The following SDK1 variants were observed in gnomAD, a reference collection of about 807,000 sequenced individuals.
SDK1 encodes the protein protein sidekick-1.
In SDK1, 157 loss-of-function variants were observed where a neutral mutation model predicts 245.5. The ratio of observed to expected loss-of-function variants is 0.64; its 90% CI spans 0.56 to 0.73. The LOEUF is 0.73. Among genes scored for constraint, SDK1 ranks in the 30% least tolerant of loss-of-function variants. The pLI is 0.00. For synonymous variants in SDK1, 1,647 were observed against 1,278.5 expected (o/e 1.29, Z -6.15); for missense variants, 3,583 against 3,002.3 (o/e 1.19, Z -4.52).
rs200630287 is a variant in SDK1 at position 3,748,055 on chromosome 7, TTATAG to T, written c.714-73391_714-73387del. On this transcript the variant is annotated intron_variant, in intron 4 of 44. Transcript: ENST00000404826. ...CTGTATATCACAGTTACTATATGTG[TTATAG>T]TATGTATCATGATCATTATATACTA... Among the ~76,000 whole-genome samples the T allele has an allele frequency of 9.3e-3, 1,423 of 152,296 alleles. 29 individuals carry two copies. The highest frequency in any genetic ancestry group is 0.032 in the African/African-American group (1,320 of 41,562).
rs543668512 is a variant in SDK1 at position 3,810,372 on chromosome 7, A to G, written c.714-11078A>G. Among the ~76,000 whole-genome samples, 9 of 152,276 alleles carry G rather than the reference A, an allele frequency of 5.9e-5. No homozygotes were observed. In the East Asian group the frequency reaches 1.5e-3, roughly 26 times the overall value. On this transcript the variant is annotated intron_variant, in intron 4 of 44. Coordinates refer to ENST00000404826, the MANE Select transcript of SDK1 (RefSeq NM_152744.4). ...TCCTGGAATTTTTATTTTAGCAGAA[A>G]AAGTCTTGGCTGGAAATGTTTCTGC...
At chr7:4,225,815 T>C (rs1244122637) in intron 40 of SDK1, among the ~76,000 whole-genome samples, 1 of 152,068 alleles carries the variant, frequency 6.6e-6, no homozygotes, top group Non-Finnish European at 1.5e-5. Flanking sequence ...AACAGACTTA[T>C]CAAGAAGACC....
chr7:3,687,902 T>G (rs546807389), intron 4 of SDK1, among the ~76,000 whole-genome samples: 3 of 152,326 alleles, frequency 2.0e-5, no homozygotes, highest in East Asian at 3.9e-4. Flanking sequence ...GATTGCTGTA[T>G]TTTTCTTACA....
intron 5 of SDK1, among the ~76,000 whole-genome samples, chr7:3,867,304 G>T (rs968617169): frequency 1.3e-5 from 2 of 152,156 alleles, no homozygotes; most frequent in Non-Finnish European, 2.9e-5. Flanking sequence ...TTTTTCTCAA[G>T]CATGTGAAGA....
intron 1 of SDK1, among the ~76,000 whole-genome samples, chr7:3,321,167 CTA>C (rs957448913): frequency 1.4e-4 from 21 of 152,224 alleles, no homozygotes; most frequent in African/African-American, 5.1e-4. Context: ...CTTTTTGAAA[CTA>C]AAAATCCTTT....
intron 1 of SDK1, among the ~76,000 whole-genome samples, chr7:3,610,191 ATATCTGT>A (rs1562599941): frequency 6.6e-6 from 1 of 152,228 alleles, no homozygotes; most frequent in Admixed American, 6.5e-5. Flanking sequence ...CACCATGTGG[ATATCTGT>A]TACATCTCAG....
intron 4 of SDK1, among the ~76,000 whole-genome samples, chr7:3,808,872 G>A (rs757878859): frequency 2.0e-5 from 3 of 152,118 alleles, no homozygotes; most frequent in Non-Finnish European, 2.9e-5. Context: ...ATTAAAAATT[G>A]GATTTTCATA....
At chr7:3,381,121 TAC>T (rs1197164894) in intron 1 of SDK1, among the ~76,000 whole-genome samples, 5 of 152,098 alleles carry the variant, frequency 3.3e-5, no homozygotes, top group Admixed American at 6.5e-5. Flanking sequence ...AGGGGGAGTA[TAC>T]AGAGTAAGAA....
chr7:3,837,011 T>C (rs1780042547), intron 5 of SDK1, among the ~76,000 whole-genome samples: 1 of 152,152 alleles, frequency 6.6e-6, no homozygotes, highest in Admixed American at 6.6e-5. Flanking sequence ...CTGGTGTCTC[T>C]TCCGCTTCTT....
intron 1 of SDK1, among the ~76,000 whole-genome samples, chr7:3,597,485 C>T (rs930782448): frequency 4.6e-5 from 7 of 152,104 alleles, no homozygotes; most frequent in African/African-American, 1.7e-4. Flanking sequence ...AGAACACCGG[C>T]GGCGGGGAGG....
At chr7:3,537,283 G>C (rs1490608653) in intron 1 of SDK1, among the ~76,000 whole-genome samples, 5 of 152,188 alleles carry the variant, frequency 3.3e-5, no homozygotes, top group African/African-American at 1.2e-4. Flanking sequence ...TCTTATGACT[G>C]TCTTAAAATA....
At chr7:3,572,944 G>T (rs1432068017) in intron 1 of SDK1, among the ~76,000 whole-genome samples, 1 of 152,060 alleles carries the variant, frequency 6.6e-6, no homozygotes, top group East Asian at 1.9e-4. Flanking sequence ...TAGAATAGGA[G>T]GTGGAGAGAG....
intron 12 of SDK1, among the ~76,000 whole-genome samples, chr7:3,973,190 A>T (rs1461474899): frequency 6.6e-6 from 1 of 152,216 alleles, no homozygotes; most frequent in Non-Finnish European, 1.5e-5. Flanking sequence ...GTGACCAGCC[A>T]GCCAGATGCG....
chr7:3,817,055 A>G (rs1315829012), intron 4 of SDK1, among the ~76,000 whole-genome samples: 1 of 152,232 alleles, frequency 6.6e-6, no homozygotes, highest in African/African-American at 2.4e-5. Context: ...CTGAATTTTC[A>G]TCATAATGTA....
chr7:4,074,451 T>C (rs1027413829), intron 20 of SDK1, among the ~76,000 whole-genome samples: 1 of 152,154 alleles, frequency 6.6e-6, no homozygotes, highest in Non-Finnish European at 1.5e-5. Context: ...TGAAATAGGA[T>C]AACAATGGCT....
chr7:3,796,489 T>C (rs988764234), intron 4 of SDK1, among the ~76,000 whole-genome samples: 22 of 152,158 alleles, frequency 1.4e-4, no homozygotes, highest in Middle Eastern at 3.2e-3. Context: ...CCCAGAGCAG[T>C]GCTGGTCCCA....
intron 4 of SDK1, among the ~76,000 whole-genome samples, chr7:3,718,560 T>C (rs575780027): frequency 6.3e-4 from 90 of 143,482 alleles, no homozygotes; most frequent in Middle Eastern, 3.5e-3. Context: ...AATAAATAAA[T>C]AAATAAATAA....
chr7:3,984,239 G>A (rs551541894), intron 13 of SDK1, among the ~76,000 whole-genome samples: 1 of 152,214 alleles, frequency 6.6e-6, no homozygotes, highest in South Asian at 2.1e-4. Context: ...CAGGGACTGT[G>A]AGAGCTGACC....
intron 25 of SDK1, among the ~76,000 whole-genome samples, chr7:4,120,417 G>A (rs187327273): frequency 6.0e-5 from 9 of 148,912 alleles, no homozygotes; most frequent in African/African-American, 2.0e-4. Flanking sequence ...TGACTGAGGT[G>A]ACTATTCAGG....
Sources: gnomAD v4.1 joint callset for allele counts (sites outside exome capture counted in the v4.1 genomes callset) on GRCh38, gnomAD v4.1.1 for gene constraint, MANE v1.5 for transcripts, NCBI Gene and HGNC (gene_info 2026-07-23, HGNC 2026-07-21) for gene names.